RORA: variants seen among roughly 807,000 people sequenced by gnomAD.
RORA encodes nuclear receptor ROR-alpha.
Under a neutral mutation model 69.5 loss-of-function variants are expected in RORA, and 7 were observed. The observed-to-expected ratio is 0.10, with a 90% CI of 0.06 to 0.19. The LOEUF (loss-of-function observed/expected upper bound fraction) is 0.19. Among genes scored for constraint, RORA ranks in the 10% least tolerant of loss-of-function variants. The pLI, the probability that RORA is intolerant of heterozygous loss-of-function variation, is 1.00. For synonymous variants in RORA, 261 were observed against 240.8 expected, an observed-to-expected ratio of 1.08 and a Z score of -0.78; for missense variants, 457 against 663.0, an observed-to-expected ratio of 0.69 and a Z score of 3.41.
chr15:60,542,344 C>CACACACAT (rs1420176011), intron 2 of RORA, among the ~76,000 whole-genome samples: 3,895 of 151,822 alleles, frequency 0.026, 180 homozygotes, highest in African/African-American at 0.091. Flanking sequence ...CATACACACA[C>CACACACAT]ATACCACACA....
chr15:60,946,916 CCCGACCCCGTCTGGGAGGTGAGGA>C (rs1892899136), intron 1 of RORA, among the ~76,000 whole-genome samples: 1 of 151,944 alleles, frequency 6.6e-6, no homozygotes, highest in African/African-American at 2.4e-5. Context: ...TCTGCCCGGC[CCCGACCCCGTCTGGGAGGTGAGGA>C]GCGTCTCTGC....
Position 60,740,791 on chromosome 15 carries a change from G to T in RORA, c.167-62105C>A, listed in dbSNP as rs180730492. On this transcript the variant is annotated intron_variant, in intron 1 of 10. Coordinates refer to ENST00000335670, the MANE Select transcript of RORA (RefSeq NM_134261.3). ...TTTTAACTGTTCTGCTCTTCATAGA[G>T]CCTCTCTCTCTCTCTCACAGCTTTG... 2.0e-5 allele frequency among the ~76,000 whole-genome samples: 3 copies of T among 152,252 alleles called. No individual in the cohort carries two copies. The East Asian group carries it at 5.8e-4, about 29-fold the overall frequency.
At chr15:61,191,970 G>C (rs2079804327) in intron 1 of RORA, among the ~76,000 whole-genome samples, 2 of 152,234 alleles carry the variant, frequency 1.3e-5, no homozygotes, top group Admixed American at 1.3e-4. Flanking sequence ...CTGCTGTCCA[G>C]GCTTAATCTA....
At chr15:61,095,244 G>A (rs939481651) in intron 1 of RORA, among the ~76,000 whole-genome samples, 2 of 152,110 alleles carry the variant, frequency 1.3e-5, no homozygotes, top group African/African-American at 4.8e-5. Flanking sequence ...CTGCTGCAAT[G>A]CTCTGAAGGG....
At chr15:60,512,674 TTATAA>T (rs1174483784) in intron 4 of RORA, among the ~76,000 whole-genome samples, 10 of 152,226 alleles carry the variant, frequency 6.6e-5, no homozygotes, top group African/African-American at 1.4e-4. Context: ...AAATATGGTA[TTATAA>T]TATAAGATCC....
At chr15:60,548,498 A>G (rs981991295) in intron 2 of RORA, among the ~76,000 whole-genome samples, 3 of 152,198 alleles carry the variant, frequency 2.0e-5, no homozygotes, top group Non-Finnish European at 4.4e-5. Flanking sequence ...GGTGGCCTGA[A>G]TTTGCTAAAG....
chr15:60,797,731 C>T (rs1013473546), intron 1 of RORA, among the ~76,000 whole-genome samples: 2 of 152,110 alleles, frequency 1.3e-5, no homozygotes, highest in East Asian at 1.9e-4. Flanking sequence ...AAGACCAGCA[C>T]GCGGTTGACA....
intron 1 of RORA, among the ~76,000 whole-genome samples, chr15:61,111,973 C>T (rs1461550259): frequency 6.6e-6 from 1 of 152,152 alleles, no homozygotes; most frequent in Non-Finnish European, 1.5e-5. Flanking sequence ...TGTGTATAAG[C>T]CTCCTGCCAG....
intron 2 of RORA, among the ~76,000 whole-genome samples, chr15:60,607,208 C>T (rs940196475): frequency 2.0e-5 from 3 of 152,170 alleles, no homozygotes; most frequent in East Asian, 1.9e-4. Flanking sequence ...CCACACCTGC[C>T]GAGTTTCTGA....
intron 1 of RORA, among the ~76,000 whole-genome samples, chr15:61,211,426 G>A (rs1329333187): frequency 1.3e-5 from 2 of 152,104 alleles, no homozygotes; most frequent in South Asian, 2.1e-4. Flanking sequence ...AGAAGACACT[G>A]GCATCCCAAG....
At chr15:60,887,163 AG>A (rs2073760864) in intron 1 of RORA, among the ~76,000 whole-genome samples, 1 of 152,128 alleles carries the variant, frequency 6.6e-6, no homozygotes, top group Non-Finnish European at 1.5e-5. Flanking sequence ...AGAGAGAGAG[AG>A]AGAGAAAGAG....
At chr15:61,183,744 G>T (rs1567026946) in intron 1 of RORA, among the ~76,000 whole-genome samples, 1 of 152,032 alleles carries the variant, frequency 6.6e-6, no homozygotes, top group Non-Finnish European at 1.5e-5. Flanking sequence ...CAAAGACCAG[G>T]GAATAATCTT....
intron 1 of RORA, among the ~76,000 whole-genome samples, chr15:60,966,924 T>C (rs1893568934): frequency 6.6e-6 from 1 of 152,234 alleles, no homozygotes; most frequent in Non-Finnish European, 1.5e-5. Flanking sequence ...ATGATGTTTC[T>C]GCAGGGCCAT....
intron 2 of RORA, among the ~76,000 whole-genome samples, chr15:60,546,069 T>C (rs997901456): frequency 2.0e-5 from 3 of 152,212 alleles, no homozygotes; most frequent in African/African-American, 7.2e-5. Context: ...TTCCACCTGC[T>C]ACATGCTTTC....
intron 2 of RORA, among the ~76,000 whole-genome samples, chr15:60,599,716 C>T (rs1171965072): frequency 6.6e-6 from 1 of 152,196 alleles, no homozygotes; most frequent in Admixed American, 6.5e-5. Flanking sequence ...TCTGCCTTCC[C>T]TCACAGTGCC....
intron 1 of RORA, among the ~76,000 whole-genome samples, chr15:61,125,446 A>G (rs115130496): frequency 0.01 from 1,573 of 152,348 alleles, 26 homozygotes; most frequent in African/African-American, 0.036. Context: ...CAAAAAGAGC[A>G]CAGTGGTGTG....
intron 1 of RORA, among the ~76,000 whole-genome samples, chr15:61,059,384 G>A (rs532577222): frequency 1.3e-5 from 2 of 152,360 alleles, no homozygotes; most frequent in South Asian, 4.1e-4. Flanking sequence ...ACACCTTAGA[G>A]TGATGTTTAT....
At chr15:60,981,834 CTT>C (rs78522944) in intron 1 of RORA, among the ~76,000 whole-genome samples, 7 of 147,578 alleles carry the variant, frequency 4.7e-5, no homozygotes, top group Non-Finnish European at 6.0e-5. Context: ...CTGTTGATTG[CTT>C]TTTTTTTTTC....
At chr15:60,674,991 G>A (rs1413527402) in intron 2 of RORA, among the ~76,000 whole-genome samples, 1 of 152,060 alleles carries the variant, frequency 6.6e-6, no homozygotes, top group Non-Finnish European at 1.5e-5. Context: ...ATATCTTTTG[G>A]GTCTGTGTTG....
Sources: gnomAD v4.1 joint callset for allele counts (sites outside exome capture counted in the v4.1 genomes callset) on GRCh38, gnomAD v4.1.1 for gene constraint, MANE v1.5 for transcripts, NCBI Gene and HGNC (gene_info 2026-07-23, HGNC 2026-07-21) for gene names.